Variants in OCEL1 observed in about 807,000 individuals in gnomAD.
OCEL1 encodes the protein occludin/ELL domain-containing protein 1.
Under a neutral mutation model 29.4 loss-of-function variants are expected in OCEL1, and 24 were observed. That is an observed-to-expected ratio of 0.82 (90% CI 0.59 to 1.15). The LOEUF (loss-of-function observed/expected upper bound fraction) is 1.15, where lower values mean the gene tolerates loss of function less well. Ranked by LOEUF, OCEL1 falls within the 50% of genes most tolerant of loss-of-function variation. OCEL1 has a pLI of 0.00. For missense variants in OCEL1, 402 were observed against 352.5 expected (o/e 1.14, Z -1.13); for synonymous variants, 172 against 145.3 (o/e 1.18, Z -1.32).
Position 17,226,701 on chromosome 19 carries a change from C to A in OCEL1, c.78C>A (p.Arg26=). 6.7e-7 allele frequency: 1 copy of A among 1,493,544 alleles called. No homozygotes were observed. Among genetic ancestry groups the A allele is most frequent in the East Asian group, 2.5e-5 (1 of 40,406 alleles). 92.5% of individuals were successfully genotyped at this position (1,493,544 alleles called of 1,614,324 possible). A position where few individuals can be genotyped will look rare whatever the true frequency, so the allele number is the denominator to read the frequency against. Residue 26 remains arginine, a synonymous_variant, in exon 2 of 6, where the codon CGC becomes CGA. Coordinates refer to ENST00000215061, the MANE Select transcript of OCEL1 (RefSeq NM_024578.3). ...CGCGTGTCCACCCACAGGCCGCCCG[C>A]AGACCACCCCCGCCGCGCGCGGGAC... ...SELQTLGQAA[R]RPPPPRAGHD...
intron 4 of OCEL1, 103 bp downstream of exon 4, chr19:17,228,108 C>T (rs1461957221): frequency 1.9e-6 from 3 of 1,545,940 alleles, no homozygotes; most frequent in African/African-American, 2.7e-5. Context: ...TCTTTCTCCT[C>T]TCGGTTGGCT....
At chr19:17,226,648 C>T in intron 1 of OCEL1, 45 bp from the exon 2 acceptor site, 1 of 1,425,242 alleles carries the variant, frequency 7.0e-7, no homozygotes, top group Non-Finnish European at 9.1e-7. Flanking sequence ...CGTCCTTTCT[C>T]CGTGCGCGTC....
intron 5 of OCEL1, 75 bp downstream of exon 5, chr19:17,228,384 CT>C (rs113462551): frequency 0.14 from 177,520 of 1,272,488 alleles, 12,815 homozygotes; most frequent in Admixed American, 0.29. Context: ...TGCCCAGTTT[CT>C]TTTTTTTTTC....
At chr19:17,226,393 T>A in intron 1 of OCEL1, 77 bp downstream of exon 1, 1 of 1,514,660 alleles carries the variant, frequency 6.6e-7, no homozygotes, top group Non-Finnish European at 9.0e-7. Context: ...GGCGCGGTCG[T>A]CTGTGGGCTC....
In OCEL1 at chr19:17,227,756, T is replaced by A; in HGVS notation, c.453-84T>A. 2.1e-6 allele frequency: 3 copies of A among 1,430,326 alleles called. 1 individual carries two copies. The highest frequency in any genetic ancestry group is 2.5e-5 in the South Asian group (2 of 78,810). The allele number at this position is 1,430,326 out of a possible 1,614,324, so 88.6% of individuals were successfully genotyped here. A position where few individuals can be genotyped will look rare whatever the true frequency, so the allele number is the denominator to read the frequency against. On this transcript the variant is annotated intron_variant, in intron 3 of 5. Transcript: ENST00000215061. ...GAACGTTTCTAGTAGGGGCCCAGCA[T>A]GGACAAAGAAAAGCAAATTACACTG...
At position 17,228,913 on chromosome 19, in the gene OCEL1, C is replaced by G; in HGVS notation, c.783C>G (p.Ser261=). 1 of 1,612,810 alleles carries G rather than the reference C, an allele frequency of 6.2e-7. No individual in the cohort carries two copies. Among genetic ancestry groups the G allele is most frequent in the Non-Finnish European group, 8.5e-7 (1 of 1,179,590 alleles). ...KFDDQGDSEG[S]VYF is the part of the protein sequence containing the mutation. ...ATGACCAAGGAGACAGCGAGGGCTCCGTGTACTTCTAAGTGCCCCTGCAGA... is the reference window on the plus strand; with the variant it reads ...ATGACCAAGGAGACAGCGAGGGCTCGGTGTACTTCTAAGTGCCCCTGCAGA... The change falls in exon 6 of 6, where the codon TCC becomes TCG. Residue 261 remains serine, a synonymous_variant. Coordinates refer to ENST00000215061, the MANE Select transcript of OCEL1 (RefSeq NM_024578.3).
Position 17,228,106 on chromosome 19 carries a change from C to T in OCEL1, c.618+101C>T, listed in dbSNP as rs991204654. The T allele has an allele frequency of 6.5e-6, 10 of 1,548,988 alleles. No individual in the cohort carries two copies. In the Admixed American group the frequency reaches 1.9e-4, roughly 29 times the overall value. On this transcript the variant is annotated intron_variant, in intron 4 of 5. Transcript: ENST00000215061. ...GTCCAGATTTCCAGGACTCTTTCTCCTCTCGGTTGGCTGGGCGCCGTGACA... is the reference window on the plus strand; with the variant it reads ...GTCCAGATTTCCAGGACTCTTTCTCTTCTCGGTTGGCTGGGCGCCGTGACA...
At chr19:17,227,710 A>C in intron 3 of OCEL1, 130 bp from the exon 4 acceptor site, 2 of 819,566 alleles carry the variant, frequency 2.4e-6, no homozygotes, top group Non-Finnish European at 3.7e-6. Context: ...TAATAAATAA[A>C]TTAAAAGAGG....
rs757225253 is a variant in OCEL1 at position 17,228,254 on chromosome 19, A to C, written c.619-2A>C. Reference sequence around the variant, plus strand: ...ACCCCCTTTCTACTCCTCCCCTTGCAGAAGGAGGCCCAAGTTGCAGCCCGG... The same window carrying C: ...ACCCCCTTTCTACTCCTCCCCTTGCCGAAGGAGGCCCAAGTTGCAGCCCGG... On this transcript the variant is annotated splice_acceptor_variant, in intron 4 of 5. Coordinates refer to ENST00000215061, the MANE Select transcript of OCEL1 (RefSeq NM_024578.3). LOFTEE classifies it high-confidence loss of function. The C allele has an allele frequency of 6.2e-7, 1 of 1,614,006 alleles. No individual in the cohort carries two copies. The highest frequency in any genetic ancestry group is 1.1e-5 in the South Asian group (1 of 91,072).
chr19:17,226,424 G>T, intron 1 of OCEL1, 108 bp downstream of exon 1: 1 of 1,308,538 alleles, frequency 7.6e-7, no homozygotes, highest in Non-Finnish European at 1.1e-6. Flanking sequence ...GGAGGTCGAG[G>T]CTCCGGCAGC....
rs143473429 is a variant in OCEL1, at chr19:17,228,831, G to A, written c.701G>A (p.Arg234His). The A allele has an allele frequency of 1.6e-5, 26 of 1,613,398 alleles. No homozygotes were observed. The African/African-American group carries it at 2.9e-4, about 18-fold the overall frequency. The change falls in exon 6 of 6, where the codon CGC becomes CAC. Residue 234 changes from arginine to histidine, a missense_variant. Physicochemically the swap from Arg to His is conservative, Grantham distance 29. Coordinates refer to ENST00000215061, the MANE Select transcript of OCEL1 (RefSeq NM_024578.3). ...MDPGFLDKQA[R>H]CHYLKGKLRH... ...CCTGGCTTCCTGGACAAGCAGGCTCGCTGCCACTACCTGAAGGGTAAACTG... is the reference window on the plus strand; with the variant it reads ...CCTGGCTTCCTGGACAAGCAGGCTCACTGCCACTACCTGAAGGGTAAACTG...
chr19:17,228,280 G>A lies in OCEL1; in HGVS notation c.643G>A (p.Val215Ile), dbSNP rs773658345. ...GAAGGAGGCCCAAGTTGCAGCCCGG[G>A]TTTGGAGGGAGTTTGAGATGAAGCG... ...SQKEAQVAARVWREFEMKRMD... is the reference protein window; with the variant it reads ...SQKEAQVAARIWREFEMKRMD... Residue 215 changes from valine to isoleucine, a missense_variant, in exon 5 of 6, where the codon GTT becomes ATT. Transcript: ENST00000215061. 6.2e-7 allele frequency: 1 copy of A among 1,614,096 alleles called. No individual in the cohort carries two copies. The highest frequency in any genetic ancestry group is 2.2e-5 in the East Asian group (1 of 44,886).
Position 17,226,748 on chromosome 19 carries a change from G to A in OCEL1, c.125G>A (p.Arg42His). 1 of 1,575,532 alleles carries A rather than the reference G, an allele frequency of 6.3e-7. No homozygotes were observed. Among genetic ancestry groups the A allele is most frequent in the Admixed American group, 1.8e-5 (1 of 54,950 alleles). The change falls in exon 2 of 6, where the codon CGC (arginine) becomes CAC (histidine). Residue 42 changes from arginine to histidine, a missense_variant. Coordinates refer to ENST00000215061, the MANE Select transcript of OCEL1 (RefSeq NM_024578.3). ...GGACACGACGCCCCCCGCAGGACCC[G>A]CCCATCAGCCCGGAAACCCCTGAGC... The part of the protein sequence containing the change: ...RAGHDAPRRT[R>H]PSARKPLSCF...
At chr19:17,227,593 A>T (rs569921715) in intron 3 of OCEL1, among the ~76,000 whole-genome samples, 2 of 152,242 alleles carry the variant, frequency 1.3e-5, no homozygotes, top group African/African-American at 4.8e-5. Flanking sequence ...GAAGAGGCTG[A>T]GGTGGGAGAA....
Position 17,228,001 on chromosome 19 carries a change from G to A in OCEL1, c.614G>A (p.Ser205Asn). 1 of 1,611,900 alleles carries A rather than the reference G, an allele frequency of 6.2e-7. No individual in the cohort carries two copies. ...ALLSSLPPPQ[S>N]QKEAQVAARV... ...CTGAGCTCCCTGCCCCCACCCCAAA[G>A]CCAGGTCAGCACTAGGGAGAAAGCC... The change falls in exon 4 of 6, where the codon AGC (serine) becomes AAC (asparagine). Residue 205 changes from serine (S) to asparagine (N), a missense_variant. Ser to Asn is a conservative substitution (Grantham distance 46, BLOSUM62 1). Coordinates refer to ENST00000215061, the MANE Select transcript of OCEL1 (RefSeq NM_024578.3).
chr19:17,228,068 G>A, intron 4 of OCEL1, 63 bp downstream of exon 4: 1 of 1,585,148 alleles, frequency 6.3e-7, no homozygotes, highest in Non-Finnish European at 8.6e-7. Context: ...CAAGCCTCTG[G>A]GACACCCACT....
At chr19:17,228,092 C>T in intron 4 of OCEL1, 87 bp downstream of exon 4, 1 of 1,563,086 alleles carries the variant, frequency 6.4e-7, no homozygotes, top group African/African-American at 1.4e-5. Context: ...TCCAGATTTC[C>T]AGGACTCTTT....
At chr19:17,228,371 C>G (rs942386872) in intron 5 of OCEL1, 62 bp downstream of exon 5, 4 of 1,505,994 alleles carry the variant, frequency 2.7e-6, no homozygotes, top group Non-Finnish European at 3.6e-6. Context: ...GCTGGGGTGC[C>G]TGTGCCCAGT....
chr19:17,226,602 G>T, intron 1 of OCEL1, 91 bp from the exon 2 acceptor site: 2 of 1,322,062 alleles, frequency 1.5e-6, no homozygotes, highest in South Asian at 3.1e-5. Flanking sequence ...CTCCCGCGGG[G>T]TGAGAGTTGG....
Sources: allele counts gnomAD v4.1 joint callset (sites outside exome capture counted in the v4.1 genomes callset), GRCh38; gene constraint gnomAD v4.1.1; transcripts MANE v1.5; gene names NCBI Gene and HGNC (gene_info 2026-07-23, HGNC 2026-07-21).